Variants in MYO6 observed in about 807,000 individuals in gnomAD.
The protein encoded by MYO6 is myosin VI.
A neutral mutation model predicts 178.7 loss-of-function variants in MYO6; 74 were observed. The ratio of observed to expected loss-of-function variants is 0.41; its 90% CI spans 0.34 to 0.50. The LOEUF is 0.50. MYO6 is among the 20% of genes least tolerant of loss of function. The pLI, the probability that MYO6 is intolerant of heterozygous loss-of-function variation, is 0.09. For missense variants in MYO6, 1,330 were observed against 1,547.4 expected (o/e 0.86, Z 2.36); for synonymous variants, 477 against 504.6 (o/e 0.95, Z 0.73).
intron 25 of MYO6, among the ~76,000 whole-genome samples, chr6:75,888,445 T>C (rs11753849): frequency 0.23 from 34,494 of 151,484 alleles, 5,141 homozygotes; most frequent in Middle Eastern, 0.39. Flanking sequence ...CCAAAACCTG[T>C]CTCCACCAAA....
intron 1 of MYO6, among the ~76,000 whole-genome samples, chr6:75,753,871 C>A (rs371687283): frequency 5.9e-5 from 9 of 152,104 alleles, no homozygotes; most frequent in Non-Finnish European, 8.8e-5. Flanking sequence ...CAACGTCTTT[C>A]TAGTTACTGT....
chr6:75,866,830 C>T, intron 17 of MYO6, 102 bp from the exon 18 acceptor site: 2 of 1,313,046 alleles, frequency 1.5e-6, no homozygotes, highest in Non-Finnish European at 1.1e-6. Flanking sequence ...AGTGCAGATA[C>T]AGAACATTTC....
Position 75,830,451 on chromosome 6 carries a change from A to G in MYO6, c.297A>G (p.Pro99=), listed in dbSNP as rs375790985. ...YVANILIAVN[P]YFDIPKIYSS... is the part of the protein sequence containing the mutation. ...CCAACATTCTGATTGCAGTGAATCC[A>G]TACTTTGACATACCTAAAATATATT... The change falls in exon 5 of 35, where the codon CCA becomes CCG. Residue 99 remains proline, a synonymous_variant. Transcript: ENST00000369977. The G allele has an allele frequency of 1.6e-5, 26 of 1,612,164 alleles. No homozygotes were observed. The highest frequency in any genetic ancestry group is 6.7e-5 in the Admixed American group (4 of 59,994).
intron 1 of MYO6, among the ~76,000 whole-genome samples, chr6:75,757,463 G>T (rs186884211): frequency 1.9e-4 from 29 of 151,402 alleles, no homozygotes; most frequent in African/African-American, 6.3e-4. Context: ...TCACAGAGGT[G>T]GGCGACCTTG....
chr6:75,834,153 T>C (rs1472664312), intron 6 of MYO6, among the ~76,000 whole-genome samples: 1 of 152,238 alleles, frequency 6.6e-6, no homozygotes, highest in Non-Finnish European at 1.5e-5. Flanking sequence ...GTCTGCCTCC[T>C]AATGTGTTCT....
chr6:75,761,123 G>T (rs1777907268), intron 1 of MYO6, among the ~76,000 whole-genome samples: 1 of 152,144 alleles, frequency 6.6e-6, no homozygotes, highest in African/African-American at 2.4e-5. Flanking sequence ...TGATCTTTAA[G>T]ATGAGAAGAA....
intron 28 of MYO6, 31 bp from the exon 29 acceptor site, chr6:75,895,200 C>T (rs376649049): frequency 1.9e-5 from 29 of 1,554,248 alleles, no homozygotes; most frequent in South Asian, 1.0e-4. Flanking sequence ...CAATTGGTTA[C>T]GATATTAACT....
At position 75,881,834 on chromosome 6, in the gene MYO6, T is replaced by C; in HGVS notation, c.2416+16T>C. 6.2e-7 allele frequency: 1 copy of C among 1,612,628 alleles called. No individual in the cohort carries two copies. The highest frequency in any genetic ancestry group is 1.1e-5 in the South Asian group (1 of 91,038). On this transcript the variant is annotated intron_variant, in intron 23 of 34. Coordinates refer to ENST00000369977, the MANE Select transcript of MYO6 (RefSeq NM_004999.4). ...GTCATCAAATGTAGGTGTTTTCCTT[T>C]ACACCTATAGGATCTTTCATTGTTT...
At chr6:75,823,881 C>T (rs1562210608) in intron 3 of MYO6, among the ~76,000 whole-genome samples, 1 of 152,190 alleles carries the variant, frequency 6.6e-6, no homozygotes, top group East Asian at 1.9e-4. Flanking sequence ...TGCACAGCAT[C>T]TAATGACTCT....
chr6:75,828,435 C>T (rs1772704120), intron 3 of MYO6, 105 bp from the exon 4 acceptor site: 1 of 738,634 alleles, frequency 1.4e-6, no homozygotes, highest in Non-Finnish European at 2.4e-6. Context: ...TGTAACCTAA[C>T]AATTGATTTT....
At chr6:75,828,402 G>T in intron 3 of MYO6, 138 bp from the exon 4 acceptor site, 1 of 616,950 alleles carries the variant, frequency 1.6e-6, no homozygotes, top group Middle Eastern at 4.5e-4. Context: ...ATCAGCCAGG[G>T]TTTTAAAAAA....
Position 75,918,012 on chromosome 6 carries a change from G to A in MYO6, c.*3000G>A, listed in dbSNP as rs762089668. 3 of 152,426 alleles carry A rather than the reference G, an allele frequency of 2.0e-5. No individual in the cohort carries two copies. The highest frequency in any genetic ancestry group is 7.2e-5 in the African/African-American group (3 of 41,424). 9.4% of individuals were successfully genotyped at this position (152,426 alleles called of 1,614,324 possible). On this transcript the variant is annotated 3_prime_UTR_variant, in exon 35 of 35. Coordinates refer to ENST00000369977, the MANE Select transcript of MYO6 (RefSeq NM_004999.4). ...GCCTCCTTTTATGGAAGAGGTAACAGATCCAGAGAGGTCAAGTAATTTAGT... is the reference window on the plus strand; with the variant it reads ...GCCTCCTTTTATGGAAGAGGTAACAAATCCAGAGAGGTCAAGTAATTTAGT...
chr6:75,831,689 C>T (rs1448437194), intron 5 of MYO6, among the ~76,000 whole-genome samples: 4 of 151,850 alleles, frequency 2.6e-5, no homozygotes, highest in African/African-American at 9.7e-5. Context: ...CCTGGGAAGT[C>T]AAGACCAGCC....
At position 75,916,302 on chromosome 6, in the gene MYO6, C is replaced by A. The variant is rs538265443; in HGVS notation, c.*1290C>A. On this transcript the variant is annotated 3_prime_UTR_variant, in exon 35 of 35. Coordinates refer to ENST00000369977, the MANE Select transcript of MYO6 (RefSeq NM_004999.4). ...CTTTGAAATGAAATTCCAGTGATTT[C>A]TTTTTTCCCTAGAAAGATTACCTCA... is the stretch of plus-strand genomic sequence containing the variant. 1 of 152,338 alleles carries A rather than the reference C, an allele frequency of 6.6e-6. No individual in the cohort carries two copies. The highest frequency in any genetic ancestry group is 2.4e-5 in the African/African-American group (1 of 41,562). The allele number at this position is 152,338 out of a possible 1,614,324, so 9.4% of individuals were successfully genotyped here. A position where few individuals can be genotyped will look rare whatever the true frequency, so the allele number is the denominator to read the frequency against.
intron 3 of MYO6, among the ~76,000 whole-genome samples, chr6:75,826,325 A>G (rs1772463557): frequency 6.6e-6 from 1 of 152,240 alleles, no homozygotes; most frequent in Admixed American, 6.5e-5. Context: ...CAGATACTTC[A>G]TCAGTTAGGA....
At position 75,832,892 on chromosome 6, in the gene MYO6, A is replaced by G. The variant is rs1773256124; in HGVS notation, c.442A>G (p.Ile148Val). The change falls in exon 6 of 35, where the codon ATT becomes GTT. Residue 148 changes from isoleucine (I) to valine (V), a missense_variant. Ile to Val is a conservative substitution (Grantham distance 29). Coordinates refer to ENST00000369977, the MANE Select transcript of MYO6 (RefSeq NM_004999.4). ...MKVLKMSQSI[I>V]VSGESGAGKT... ...GGTGCTCAAGATGAGTCAGTCTATC[A>G]TTGTATCTGGAGAATCAGGAGCCGG... The G allele has an allele frequency of 1.9e-6, 3 of 1,614,170 alleles. No homozygotes were observed. The highest frequency in any genetic ancestry group is 1.7e-6 in the Non-Finnish European group (2 of 1,180,012).
intron 1 of MYO6, among the ~76,000 whole-genome samples, chr6:75,794,214 T>C (rs748073884): frequency 6.6e-6 from 1 of 152,200 alleles, no homozygotes; most frequent in Admixed American, 6.5e-5. Context: ...CATTAAATTA[T>C]AGACCTCAGA....
chr6:75,864,387 G>A (rs1776470074), intron 16 of MYO6, among the ~76,000 whole-genome samples: 1 of 152,134 alleles, frequency 6.6e-6, no homozygotes. Context: ...CCATTGACTT[G>A]CAATTCTTCT....
In MYO6 at chr6:75,827,985, G is replaced by C. The variant is rs80308749; in HGVS notation, c.188-555G>C. On this transcript the variant is annotated intron_variant, in intron 3 of 34. Coordinates refer to ENST00000369977, the MANE Select transcript of MYO6 (RefSeq NM_004999.4). Reference sequence around the variant, plus strand: ...GTTCTGACACTTCAGTAGAGCAGATGTCACACAAACAAGATTTATCTGTTC... The same window carrying C: ...GTTCTGACACTTCAGTAGAGCAGATCTCACACAAACAAGATTTATCTGTTC... Among the ~76,000 whole-genome samples the C allele has an allele frequency of 3.1e-3, 472 of 152,320 alleles. 2 individuals are homozygous for C. Among genetic ancestry groups the C allele is most frequent in the African/African-American group, 0.01 (431 of 41,572 alleles).
Sources: gnomAD v4.1 joint callset for allele counts (sites outside exome capture counted in the v4.1 genomes callset) on GRCh38, gnomAD v4.1.1 for gene constraint, MANE v1.5 for transcripts, NCBI Gene and HGNC (gene_info 2026-07-23, HGNC 2026-07-21) for gene names.